SLC25A42: variants seen among roughly 807,000 people sequenced by gnomAD.
SLC25A42 encodes mitochondrial coenzyme A transporter SLC25A42.
In SLC25A42, 19 loss-of-function variants were observed where a neutral mutation model predicts 34.7. That is an observed-to-expected ratio of 0.55 (90% CI 0.38 to 0.80). SLC25A42 has a LOEUF of 0.80. Among genes scored for constraint, SLC25A42 ranks in the 30% least tolerant of loss-of-function variants. The pLI is 0.00. For missense variants in SLC25A42, 364 were observed against 441.3 expected (o/e 0.82, Z 1.57); for synonymous variants, 205 against 191.2 (o/e 1.07, Z -0.59).
intron 1 of SLC25A42, among the ~76,000 whole-genome samples, chr19:19,067,384 C>G (rs1480146514): frequency 6.6e-6 from 1 of 152,084 alleles, no homozygotes; most frequent in Admixed American, 6.6e-5. Context: ...GAGTTTCAGA[C>G]CAGCTCGGGC....
chr19:19,073,842 G>A (rs2059642957), intron 1 of SLC25A42, among the ~76,000 whole-genome samples: 1 of 152,210 alleles, frequency 6.6e-6, no homozygotes, highest in African/African-American at 2.4e-5. Context: ...CCAAACTGCT[G>A]GGATTAAAGG....
At chr19:19,066,389 G>A (rs1251536499) in intron 1 of SLC25A42, among the ~76,000 whole-genome samples, 2 of 151,832 alleles carry the variant, frequency 1.3e-5, no homozygotes, top group Non-Finnish European at 2.9e-5. Flanking sequence ...GCAGACATAT[G>A]CATTCTAAGG....
intron 1 of SLC25A42, among the ~76,000 whole-genome samples, chr19:19,078,344 CTGTT>C (rs1442447302): frequency 6.6e-6 from 1 of 152,124 alleles, no homozygotes; most frequent in East Asian, 1.9e-4. Flanking sequence ...CAGCCTCAGC[CTGTT>C]TGTTTCCCTG....
At chr19:19,074,676 TGTGTGTGTGACA>T (rs1389935354) in intron 1 of SLC25A42, among the ~76,000 whole-genome samples, 2 of 151,958 alleles carry the variant, frequency 1.3e-5, no homozygotes, top group Admixed American at 6.6e-5. Flanking sequence ...TATGAGTCTG[TGTGTGTGTGACA>T]GTGTGTGTGA....
Position 19,110,926 on chromosome 19 carries a change from C to T in SLC25A42, c.*50C>T, listed in dbSNP as rs762744614. ...GGTGGACCGGTGACCCCTTTGTATT[C>T]TGGGCCCATGGAACGGTGGGGGGGT... On this transcript the variant is annotated 3_prime_UTR_variant, in exon 8 of 8. Coordinates refer to ENST00000318596, the MANE Select transcript of SLC25A42 (RefSeq NM_178526.5). 10 of 1,598,232 alleles carry T rather than the reference C, an allele frequency of 6.3e-6. 1 individual carries two copies. In the Admixed American group the frequency reaches 1.0e-4, roughly 16 times the overall value.
At chr19:19,104,825 CTGCTAGTGGG>C in intron 3 of SLC25A42, 78 bp from the exon 4 acceptor site, 1 of 1,460,122 alleles carries the variant, frequency 6.8e-7, no homozygotes, top group Non-Finnish European at 9.6e-7. Context: ...GAGGGTGACT[CTGCTAGTGGG>C]TGCCAGGGGT....
chr19:19,075,583 C>A (rs1417240919), intron 1 of SLC25A42, among the ~76,000 whole-genome samples: 2 of 152,194 alleles, frequency 1.3e-5, no homozygotes, highest in Admixed American at 1.3e-4. Context: ...ACACTGTCAT[C>A]TGTGGTTGTA....
intron 1 of SLC25A42, among the ~76,000 whole-genome samples, chr19:19,079,893 C>T (rs1007320353): frequency 6.6e-6 from 1 of 152,154 alleles, no homozygotes; most frequent in Admixed American, 6.5e-5. Context: ...TTTGTGTGGA[C>T]CCTTTGGTTC....
Position 19,096,145 on chromosome 19 carries a change from A to C in SLC25A42, c.21A>C (p.Glu7Asp), listed in dbSNP as rs1289006703. 6.2e-7 allele frequency: 1 copy of C among 1,613,796 alleles called. No individual in the cohort carries two copies. Among genetic ancestry groups the C allele is most frequent in the Admixed American group, 1.7e-5 (1 of 60,006 alleles). The change falls in exon 2 of 8, where the codon GAA becomes GAC. Residue 7 changes from glutamate to aspartate, a missense_variant. Glu to Asp is a conservative substitution (Grantham distance 45, BLOSUM62 2). Coordinates refer to ENST00000318596, the MANE Select transcript of SLC25A42 (RefSeq NM_178526.5). Reference sequence around the variant, plus strand: ...CTGGTATGGGTAATGGTGTGAAGGAAGGCCCGGTGCGATTGCATGAGGATG... The same window carrying C: ...CTGGTATGGGTAATGGTGTGAAGGACGGCCCGGTGCGATTGCATGAGGATG... MGNGVK[E>D]GPVRLHEDAE...
chr19:19,106,055 A>C (rs2059825612), intron 5 of SLC25A42: 4 of 560,028 alleles, frequency 7.1e-6, no homozygotes, highest in Non-Finnish European at 3.2e-6. Flanking sequence ...TTATGCCAGC[A>C]GGGGGGAAGG....
At chr19:19,096,254 T>TGGGGCCCCCCCCCCC in intron 2 of SLC25A42, 49 bp downstream of exon 2, 6 of 1,456,618 alleles carry the variant, frequency 4.1e-6, no homozygotes, top group Non-Finnish European at 4.7e-6. Flanking sequence ...GGCCCCAGCC[T>TGGGGCCCCCCCCCCC]CCCCACCCCC....
At chr19:19,095,329 A>G (rs948010099) in intron 1 of SLC25A42, among the ~76,000 whole-genome samples, 5 of 150,014 alleles carry the variant, frequency 3.3e-5, no homozygotes, top group Non-Finnish European at 7.4e-5. Flanking sequence ...GGGAAAAAAA[A>G]AAGGCCAGGT....
At chr19:19,098,202 A>G (rs1450229477) in intron 2 of SLC25A42, among the ~76,000 whole-genome samples, 1 of 152,210 alleles carries the variant, frequency 6.6e-6, no homozygotes, top group African/African-American at 2.4e-5. Flanking sequence ...CAGAGGCAGC[A>G]GCCTCCACTG....
chr19:19,110,486 A>AG, intron 7 of SLC25A42, 83 bp from the exon 8 acceptor site: 1 of 1,204,244 alleles, frequency 8.3e-7, no homozygotes, highest in Non-Finnish European at 1.1e-6. Flanking sequence ...GGTTGCTCCT[A>AG]GGGGTGCAAA....
At position 19,112,083 on chromosome 19, in the gene SLC25A42, C is replaced by CT. The variant is rs900156107; in HGVS notation, c.*1215dup. On this transcript the variant is annotated 3_prime_UTR_variant, in exon 8 of 8. Coordinates refer to ENST00000318596, the MANE Select transcript of SLC25A42 (RefSeq NM_178526.5). This position sits in a 1 kb window ranked among gnomAD's most constrained non-coding sequence, Gnocchi z 4.3. ...AATGACATGGTGAGTTTCTTGATTT[C>CT]TTTTTTTTGTTTGTTTTGTTTTGGT... The CT allele has an allele frequency of 7.2e-5, 11 of 152,068 alleles. No homozygotes were observed. The highest frequency in any genetic ancestry group is 3.9e-4 in the East Asian group (2 of 5,190). 9.4% of individuals were successfully genotyped at this position (152,068 alleles called of 1,614,324 possible). A position where few individuals can be genotyped will look rare whatever the true frequency, so the allele number is the denominator to read the frequency against.
At chr19:19,085,427 G>A (rs1009463134) in intron 1 of SLC25A42, among the ~76,000 whole-genome samples, 1 of 150,036 alleles carries the variant, frequency 6.7e-6, no homozygotes, top group Non-Finnish European at 1.5e-5. Context: ...TGTCACCCAC[G>A]CTGGAGTGCA....
chr19:19,105,139 G>A (rs909042888), intron 4 of SLC25A42: 31 of 634,590 alleles, frequency 4.9e-5, no homozygotes, highest in Non-Finnish European at 8.5e-5. Flanking sequence ...GTGGGGTGGG[G>A]AGACTCAACA....
intron 1 of SLC25A42, among the ~76,000 whole-genome samples, chr19:19,075,996 G>T (rs1010656104): frequency 1.3e-5 from 2 of 152,106 alleles, no homozygotes; most frequent in Non-Finnish European, 2.9e-5. Context: ...TGGCCACCTG[G>T]GTCACCCTGG....
intron 3 of SLC25A42, among the ~76,000 whole-genome samples, chr19:19,103,063 T>TTC (rs889794272): frequency 1.3e-5 from 2 of 152,010 alleles, no homozygotes; most frequent in East Asian, 1.9e-4. Flanking sequence ...TGTGTCTGTT[T>TTC]TCTCTCTCTC....
Sources: gnomAD v4.1 joint callset for allele counts (sites outside exome capture counted in the v4.1 genomes callset) on GRCh38, gnomAD v4.1.1 for gene constraint, Gnocchi (gnomAD v3.1) non-coding constraint, MANE v1.5 for transcripts, NCBI Gene and HGNC (gene_info 2026-07-23, HGNC 2026-07-21) for gene names.